LAMA2: variants seen among roughly 807,000 people sequenced by gnomAD.
The protein encoded by LAMA2 is laminin subunit alpha-2.
A neutral mutation model predicts 364.8 loss-of-function variants in LAMA2; 269 were observed. The ratio of observed to expected loss-of-function variants is 0.74; its 90% CI spans 0.67 to 0.82. The LOEUF (loss-of-function observed/expected upper bound fraction) is 0.82, where lower values mean the gene tolerates loss of function less well. LAMA2 is among the 40% of genes least tolerant of loss of function. LAMA2 has a pLI of 0.00. For synonymous variants in LAMA2, 1,379 were observed against 1,370.6 expected (o/e 1.01, Z -0.14); for missense variants, 3,807 against 3,873.2 (o/e 0.98, Z 0.45).
chr6:129,287,738 CTT>C lies in LAMA2; in HGVS notation c.2538-108_2538-107del, dbSNP rs1789378712. On this transcript the variant is annotated intron_variant, in intron 18 of 64. Transcript: ENST00000421865. ...CACGTTGCGTTTGAGAAAAGGAACACTTAAAAGGAAAATCCATCATCCTGGGA... is the reference window on the plus strand; with the variant it reads ...CACGTTGCGTTTGAGAAAAGGAACACAAAAGGAAAATCCATCATCCTGGGA... The C allele has an allele frequency of 3.1e-6, 3 of 967,178 alleles. No individual in the cohort carries two copies. In the African/African-American group the frequency reaches 4.8e-5, roughly 15 times the overall value. The allele number at this position is 967,178 out of a possible 1,614,324, so 59.9% of individuals were successfully genotyped here. A position where few individuals can be genotyped will look rare whatever the true frequency, so the allele number is the denominator to read the frequency against.
At chr6:129,356,749 C>T (rs534308006) in intron 32 of LAMA2, among the ~76,000 whole-genome samples, 112 of 152,120 alleles carry the variant, frequency 7.4e-4, no homozygotes, top group African/African-American at 2.5e-3. Flanking sequence ...AAATATAAAA[C>T]GAGCTAAAAT....
chr6:129,273,912 T>A (rs894568064), intron 17 of LAMA2, among the ~76,000 whole-genome samples: 11 of 151,548 alleles, frequency 7.3e-5, no homozygotes, highest in Non-Finnish European at 1.3e-4. Context: ...ATATTAATAA[T>A]TACCAAATTA....
In LAMA2 at chr6:129,404,075, G is replaced by T. The variant is rs375286423; in HGVS notation, c.5865+116G>T. 32 of 1,137,964 alleles carry T rather than the reference G, an allele frequency of 2.8e-5. No homozygotes were observed. In the East Asian group the frequency reaches 3.3e-4, roughly 12 times the overall value. 70.5% of individuals were successfully genotyped at this position (1,137,964 alleles called of 1,614,324 possible). Reference sequence around the variant, plus strand: ...GGTATATTTGTTTTGGGTTATTTTTGAAGACCTCTTTTAAAATTTGCCTAA... The same window carrying T: ...GGTATATTTGTTTTGGGTTATTTTTTAAGACCTCTTTTAAAATTTGCCTAA... On this transcript the variant is annotated intron_variant, in intron 40 of 64. Transcript: ENST00000421865.
intron 17 of LAMA2, among the ~76,000 whole-genome samples, chr6:129,276,873 T>C (rs751984572): frequency 2.0e-5 from 3 of 152,112 alleles, no homozygotes; most frequent in Non-Finnish European, 4.4e-5. Context: ...ACAAGGTTAA[T>C]TGTTTCTCTA....
At chr6:129,259,367 C>T (rs563924944) in intron 14 of LAMA2, among the ~76,000 whole-genome samples, 1 of 152,000 alleles carries the variant, frequency 6.6e-6, no homozygotes, top group South Asian at 2.1e-4. Flanking sequence ...ACCATCACTC[C>T]TGAGAAAGGA....
rs140929335 is a variant in LAMA2, at chr6:129,417,406, G to A, written c.5866-10346G>A. Among the ~76,000 whole-genome samples the A allele has an allele frequency of 5.9e-3, 896 of 152,186 alleles. 14 individuals carry two copies. The highest frequency in any genetic ancestry group is 0.02 in the African/African-American group (846 of 41,480). On this transcript the variant is annotated intron_variant, in intron 40 of 64. Coordinates refer to ENST00000421865, the MANE Select transcript of LAMA2 (RefSeq NM_000426.4). ...GTAGATCATCCTGTTGTCTGCCCACGTCTGGCTGAGTCCGGGGTTTTTTAT... is the reference window on the plus strand; with the variant it reads ...GTAGATCATCCTGTTGTCTGCCCACATCTGGCTGAGTCCGGGGTTTTTTAT...
intron 5 of LAMA2, among the ~76,000 whole-genome samples, chr6:129,145,399 T>A (rs774806165): frequency 1.3e-5 from 2 of 152,022 alleles, no homozygotes; most frequent in Non-Finnish European, 2.9e-5. Flanking sequence ...CTCAACATAT[T>A]GTAAATTGTC....
intron 1 of LAMA2, among the ~76,000 whole-genome samples, chr6:129,047,761 CAGAAA>C (rs1446865413): frequency 6.6e-6 from 1 of 151,918 alleles, no homozygotes; most frequent in Non-Finnish European, 1.5e-5. Flanking sequence ...CTTTTTTTAA[CAGAAA>C]AGAAAACTTA....
intron 32 of LAMA2, among the ~76,000 whole-genome samples, chr6:129,354,364 G>A (rs182580891): frequency 1.3e-3 from 197 of 152,102 alleles, no homozygotes; most frequent in African/African-American, 4.6e-3. Flanking sequence ...TAATGAAAAT[G>A]TATTACACTG....
chr6:129,439,825 C>CATATATAT (rs5879948), intron 42 of LAMA2, among the ~76,000 whole-genome samples: 4,039 of 122,858 alleles, frequency 0.033, 75 homozygotes, highest in African/African-American at 0.039. Context: ...ATCAATTGGT[C>CATATATAT]ATATATATAT....
intron 4 of LAMA2, among the ~76,000 whole-genome samples, chr6:129,131,418 C>A (rs1048313496): frequency 6.6e-6 from 1 of 152,184 alleles, no homozygotes; most frequent in African/African-American, 2.4e-5. Context: ...CAACTCCCTG[C>A]CAGCTAACCA....
At chr6:129,423,811 A>G (rs1043155511) in intron 40 of LAMA2, among the ~76,000 whole-genome samples, 1 of 152,104 alleles carries the variant, frequency 6.6e-6, no homozygotes, top group African/African-American at 2.4e-5. Context: ...CAGAAGATTC[A>G]ATATTCCTAT....
intron 14 of LAMA2, among the ~76,000 whole-genome samples, chr6:129,254,321 T>G (rs915006769): frequency 6.6e-6 from 1 of 152,258 alleles, no homozygotes; most frequent in Non-Finnish European, 1.5e-5. Context: ...TTTTGACTTT[T>G]GTTTTCAACT....
chr6:129,064,114 T>C (rs1789124238), intron 3 of LAMA2, among the ~76,000 whole-genome samples: 1 of 152,000 alleles, frequency 6.6e-6, no homozygotes, highest in Admixed American at 6.5e-5. Flanking sequence ...GGATGTGTTG[T>C]ACAAGGAGGG....
intron 4 of LAMA2, among the ~76,000 whole-genome samples, chr6:129,122,697 G>T (rs1344191520): frequency 6.6e-6 from 1 of 152,068 alleles, no homozygotes; most frequent in East Asian, 1.9e-4. Context: ...CCACTGTGTT[G>T]ATATACTCCG....
At chr6:128,900,205 A>G (rs542786965) in intron 1 of LAMA2, among the ~76,000 whole-genome samples, 13 of 152,296 alleles carry the variant, frequency 8.5e-5, no homozygotes, top group African/African-American at 3.1e-4. Context: ...GGAGGTCAAG[A>G]AACGCAGTAC....
At chr6:129,430,271 G>T (rs551849743) in intron 41 of LAMA2, among the ~76,000 whole-genome samples, 15 of 152,142 alleles carry the variant, frequency 9.9e-5, no homozygotes, top group Non-Finnish European at 2.2e-4. Context: ...GGTGCCTGGA[G>T]TTAGAAGGAA....
chr6:129,150,171 C>T (rs745311120), intron 7 of LAMA2, among the ~76,000 whole-genome samples: 1 of 152,112 alleles, frequency 6.6e-6, no homozygotes, highest in Admixed American at 6.6e-5. Flanking sequence ...GCATGAGCCA[C>T]CATTGGATCA....
chr6:129,420,662 G>T (rs1781028536), intron 40 of LAMA2, among the ~76,000 whole-genome samples: 1 of 151,984 alleles, frequency 6.6e-6, no homozygotes, highest in Non-Finnish European at 1.5e-5. Context: ...CTCTTTCAAT[G>T]AGTTCAAAAA....
Sources: gnomAD v4.1 joint callset for allele counts (sites outside exome capture counted in the v4.1 genomes callset) on GRCh38, gnomAD v4.1.1 for gene constraint, MANE v1.5 for transcripts, NCBI Gene and HGNC (gene_info 2026-07-23, HGNC 2026-07-21) for gene names.